VWA5B1: variants seen among roughly 807,000 people sequenced by gnomAD.
VWA5B1 encodes von Willebrand factor A domain-containing protein 5B1.
In VWA5B1, 115 loss-of-function variants were observed where a neutral mutation model predicts 118.2. The observed-to-expected ratio is 0.97, with a 90% CI of 0.84 to 1.14. VWA5B1 has a LOEUF of 1.14. Among genes scored for constraint, VWA5B1 ranks in the 50% most tolerant of loss-of-function variants. VWA5B1 has a pLI of 0.00. For synonymous variants in VWA5B1, 682 were observed against 658.4 expected (o/e 1.04, Z -0.55); for missense variants, 1,596 against 1,603.8 (o/e 1.00, Z 0.08).
chr1:20,297,994 G>T (rs1477339797), intron 1 of VWA5B1, among the ~76,000 whole-genome samples: 1 of 99,928 alleles, frequency 1.0e-5, no homozygotes, highest in African/African-American at 3.7e-5. Context: ...ACTCGGTGGT[G>T]GATTTTTTTT....
chr1:20,330,475 A>G, intron 10 of VWA5B1, 93 bp downstream of exon 10: 1 of 1,422,770 alleles, frequency 7.0e-7, no homozygotes, highest in Non-Finnish European at 9.6e-7. Flanking sequence ...TGCCAGAGGG[A>G]GAGGATAGGA....
intron 17 of VWA5B1, 43 bp downstream of exon 17, chr1:20,345,636 A>C: frequency 6.6e-7 from 1 of 1,508,212 alleles, no homozygotes; most frequent in South Asian, 1.3e-5. Context: ...GGGGCCAAGC[A>C]GCCCCTGTGG....
chr1:20,293,987 C>T (rs2100792523), intron 1 of VWA5B1, among the ~76,000 whole-genome samples: 1 of 152,238 alleles, frequency 6.6e-6, no homozygotes, highest in South Asian at 2.1e-4. Context: ...CGATCAATGT[C>T]AGTTTGAATG....
rs2090101231 is a variant in VWA5B1, at chr1:20,350,238, G to A, written c.2953+8G>A. ...AGCACGGTGCTTCTGAAGGTGAGTG[G>A]GCAGGTGGCGCTGCCTCTTCATCAA... On this transcript the variant is annotated splice_region_variant and intron_variant, in intron 19 of 21. Transcript: ENST00000289815. 1.9e-6 allele frequency: 3 copies of A among 1,550,884 alleles called. No homozygotes were observed. The highest frequency in any genetic ancestry group is 1.7e-6 in the Non-Finnish European group (2 of 1,146,940).
chr1:20,334,090 G>A (rs1350279959), intron 12 of VWA5B1, among the ~76,000 whole-genome samples: 1 of 152,218 alleles, frequency 6.6e-6, no homozygotes, highest in African/African-American at 2.4e-5. Context: ...CTAACAAAGT[G>A]CCATCATGCA....
rs1256347199 is a variant in VWA5B1 at position 20,296,877 on chromosome 1, G to C, written c.-27+5789G>C. Among the ~76,000 whole-genome samples the C allele has an allele frequency of 3.3e-5, 5 of 152,218 alleles. No homozygotes were observed. The East Asian group carries it at 9.6e-4, about 29-fold the overall frequency. On this transcript the variant is annotated intron_variant, in intron 1 of 21. Transcript: ENST00000289815. Reference sequence around the variant, plus strand: ...TTAACATGGGGATCTCTCATGATGAGTGTTTAATGCTTGTAGAGTTTATGA... The same window carrying C: ...TTAACATGGGGATCTCTCATGATGACTGTTTAATGCTTGTAGAGTTTATGA...
rs2089659486 is a variant in VWA5B1, at chr1:20,334,490, T to A, written c.1758+1539T>A. On this transcript the variant is annotated intron_variant, in intron 12 of 21. Coordinates refer to ENST00000289815, the MANE Select transcript of VWA5B1 (RefSeq NM_001039500.3). ...TAAATATAACTTGCCGCAGCCCTCC[T>A]GGGAAGCAACCTAGAAATAACTAAT... is the stretch of plus-strand genomic sequence containing the variant. Among the ~76,000 whole-genome samples, 5 of 152,168 alleles carry A rather than the reference T, an allele frequency of 3.3e-5. No individual in the cohort carries two copies. In the South Asian group the frequency reaches 1.0e-3, roughly 32 times the overall value.
chr1:20,317,389 G>A, intron 4 of VWA5B1, 141 bp from the exon 5 acceptor site: 11 of 1,160,384 alleles, frequency 9.5e-6, no homozygotes, highest in Non-Finnish European at 1.3e-5. Context: ...CTGGGGTCAG[G>A]TTGAGTGGGA....
chr1:20,314,647 G>C (rs867351948), intron 4 of VWA5B1, 55 bp downstream of exon 4: 1 of 1,531,448 alleles, frequency 6.5e-7, no homozygotes, highest in Admixed American at 2.0e-5. Flanking sequence ...CAGAGAGTGC[G>C]TCAGGTGACA....
chr1:20,341,824 T>C (rs972960119), intron 14 of VWA5B1, among the ~76,000 whole-genome samples: 2 of 152,210 alleles, frequency 1.3e-5, no homozygotes, highest in Non-Finnish European at 2.9e-5. Context: ...CATGAAAGCT[T>C]TGTTGGGATA....
intron 21 of VWA5B1, among the ~76,000 whole-genome samples, chr1:20,352,715 CAG>C (rs940486310): frequency 6.6e-6 from 1 of 152,194 alleles, no homozygotes; most frequent in Non-Finnish European, 1.5e-5. Context: ...GCTTGGGAAA[CAG>C]AGGATGCTCA....
chr1:20,342,934 A>C (rs1165722797), intron 15 of VWA5B1, 145 bp from the exon 16 acceptor site: 1 of 1,381,870 alleles, frequency 7.2e-7, no homozygotes, highest in Non-Finnish European at 9.6e-7. Flanking sequence ...CTAGGAAAGC[A>C]GTTGGAGTTG....
Position 20,317,681 on chromosome 1 carries a change from A to G in VWA5B1, c.709+6A>G, listed in dbSNP as rs558752797. The G allele has an allele frequency of 2.8e-5, 43 of 1,549,360 alleles. No individual in the cohort carries two copies. The highest frequency in any genetic ancestry group is 3.4e-5 in the Non-Finnish European group (39 of 1,145,866). On this transcript the variant is annotated splice_donor_region_variant and intron_variant, in intron 5 of 21. Transcript: ENST00000289815. ...TGGGCCATGTCTGCTCGCAGGTGAG[A>G]GGGAGACATCCAGACGGGATGGGTG...
intron 7 of VWA5B1, among the ~76,000 whole-genome samples, chr1:20,320,031 G>A (rs1309692236): frequency 2.0e-5 from 3 of 152,202 alleles, no homozygotes; most frequent in African/African-American, 7.2e-5. Context: ...CCAGGGGCCA[G>A]GAATGGGAAA....
chr1:20,353,814 A>G lies in VWA5B1; in HGVS notation c.3199A>G (p.Thr1067Ala). The G allele has an allele frequency of 6.7e-7, 1 of 1,497,364 alleles. No individual in the cohort carries two copies. The allele number at this position is 1,497,364 out of a possible 1,614,324, so 92.8% of individuals were successfully genotyped here. A position where few individuals can be genotyped will look rare whatever the true frequency, so the allele number is the denominator to read the frequency against. Residue 1067 changes from threonine (T) to alanine (A), a missense_variant, in exon 22 of 22, where the codon ACG (threonine) becomes GCG (alanine). By Grantham distance (58) the Thr-to-Ala change is moderately conservative. Transcript: ENST00000289815. ...GCTCAACGAAGCCTTCTGTGAGGCCACGCACATCCCCATGGAGAAGCTCAA... is the reference window on the plus strand; with the variant it reads ...GCTCAACGAAGCCTTCTGTGAGGCCGCGCACATCCCCATGGAGAAGCTCAA... ...FLLNEAFCEA[T>A]HIPMEKLKWT...
chr1:20,301,666 C>T (rs565046423), intron 1 of VWA5B1, among the ~76,000 whole-genome samples: 7 of 152,314 alleles, frequency 4.6e-5, no homozygotes, highest in South Asian at 2.1e-4. Context: ...CCTCAGCACA[C>T]GGGAAGCGGT....
chr1:20,332,978 C>G, intron 12 of VWA5B1, 27 bp downstream of exon 12: 1 of 1,549,566 alleles, frequency 6.5e-7, no homozygotes, highest in Non-Finnish European at 8.7e-7. Flanking sequence ...TTCCACGGGT[C>G]CGTGTGGGCC....
chr1:20,352,253 C>T, intron 21 of VWA5B1, 81 bp downstream of exon 21: 3 of 1,040,492 alleles, frequency 2.9e-6, no homozygotes, highest in Non-Finnish European at 4.2e-6. Context: ...CTGCCCACCT[C>T]TCCACTTCCT....
At chr1:20,297,121 A>G (rs890311939) in intron 1 of VWA5B1, among the ~76,000 whole-genome samples, 2 of 152,240 alleles carry the variant, frequency 1.3e-5, no homozygotes, top group African/African-American at 2.4e-5. Flanking sequence ...TAGTGGACCC[A>G]CTAGAATCTC....
Sources: gnomAD v4.1 joint callset for allele counts (sites outside exome capture counted in the v4.1 genomes callset) on GRCh38, gnomAD v4.1.1 for gene constraint, MANE v1.5 for transcripts, NCBI Gene and HGNC (gene_info 2026-07-23, HGNC 2026-07-21) for gene names.